Variants in MAPKBP1 observed in about 807,000 individuals in gnomAD.
MAPKBP1 encodes mitogen-activated protein kinase binding protein 1.
Under a neutral mutation model 170.5 loss-of-function variants are expected in MAPKBP1, and 71 were observed. The ratio of observed to expected loss-of-function variants is 0.42; its 90% CI spans 0.34 to 0.51. The LOEUF (loss-of-function observed/expected upper bound fraction) is 0.51, where lower values mean the gene tolerates loss of function less well. Ranked by LOEUF, MAPKBP1 falls within the 20% of genes least tolerant of loss-of-function variation. MAPKBP1 has a pLI of 0.06. For synonymous variants in MAPKBP1, 719 were observed against 757.9 expected (o/e 0.95, Z 0.84); for missense variants, 1,598 against 1,933.0 (o/e 0.83, Z 3.25).
intron 23 of MAPKBP1, 193 bp from the exon 24 acceptor site, chr15:41,821,391 A>G (rs775761933): frequency 5.6e-5 from 35 of 620,726 alleles, no homozygotes; most frequent in Admixed American, 2.6e-4. Flanking sequence ...CACATCAGCA[A>G]CTGGAGCCCA....
intron 2 of MAPKBP1, among the ~76,000 whole-genome samples, chr15:41,780,727 A>G (rs1567132335): frequency 6.6e-6 from 1 of 151,536 alleles, no homozygotes. Flanking sequence ...TTATTACCCC[A>G]TTTGTGGATT....
Position 41,815,712 on chromosome 15 carries a change from T to C in MAPKBP1, c.1406T>C (p.Leu469Pro). 1 of 1,614,230 alleles carries C rather than the reference T, an allele frequency of 6.2e-7. No individual in the cohort carries two copies. Among genetic ancestry groups the C allele is most frequent in the Non-Finnish European group, 8.5e-7 (1 of 1,180,042 alleles). Residue 469 changes from leucine to proline, a missense_variant, in exon 12 of 31, where the codon CTG becomes CCG. Coordinates refer to ENST00000457542, the MANE Select transcript of MAPKBP1 (RefSeq NM_014994.3). ...LPGGDKADAS[L>P]LDPRVGIRSV... ...GGAGGAGACAAAGCTGATGCATCCC[T>C]GTTGGATCCCCGCGTGGGCATCCGC...
At chr15:41,809,870 C>A (rs1170836742) in intron 3 of MAPKBP1, among the ~76,000 whole-genome samples, 1 of 152,250 alleles carries the variant, frequency 6.6e-6, no homozygotes, top group Non-Finnish European at 1.5e-5. Flanking sequence ...CCTGATTCTG[C>A]TTCTGGCAGT....
chr15:41,823,651 C>T lies in MAPKBP1; in HGVS notation c.3803C>T (p.Pro1268Leu), dbSNP rs2065041350. ...VGENLGLVAE[P>L]QAHAPIRVSP... The stretch of plus-strand genomic sequence containing the variant: ...GAGAACCTGGGCCTGGTGGCTGAAC[C>T]TCAAGCTCATGCCCCCATCCGAGTC... Residue 1268 changes from proline to leucine, a missense_variant, in exon 29 of 31, where the codon CCT becomes CTT. Transcript: ENST00000457542. The T allele has an allele frequency of 5.0e-6, 8 of 1,614,088 alleles. No homozygotes were observed. Among genetic ancestry groups the T allele is most frequent in the Non-Finnish European group, 6.8e-6 (8 of 1,180,038 alleles).
At position 41,826,374 on chromosome 15, in the gene MAPKBP1, A is replaced by G. The variant is rs555316958; in HGVS notation, c.*938A>G. 2 of 152,410 alleles carry G rather than the reference A, an allele frequency of 1.3e-5. No homozygotes were observed. The highest frequency in any genetic ancestry group is 2.1e-4 in the South Asian group (1 of 4,830). 9.4% of individuals were successfully genotyped at this position (152,410 alleles called of 1,614,324 possible). ...GAGGACCTCAGCCACAGATGAGATC[A>G]CACGCATGCACGTGCACACATGTAC... On this transcript the variant is annotated 3_prime_UTR_variant, in exon 31 of 31. Transcript: ENST00000457542.
chr15:41,777,371 GA>G (rs1272667785), intron 2 of MAPKBP1, among the ~76,000 whole-genome samples: 1 of 151,596 alleles, frequency 6.6e-6, no homozygotes, highest in Non-Finnish European at 1.5e-5. Flanking sequence ...AGGCTTCACA[GA>G]GGAAGGGATG....
At chr15:41,802,207 A>G (rs927042224) in intron 3 of MAPKBP1, among the ~76,000 whole-genome samples, 4 of 152,242 alleles carry the variant, frequency 2.6e-5, no homozygotes, top group African/African-American at 9.6e-5. Flanking sequence ...CTTACCATGA[A>G]TGGAGTTTCC....
chr15:41,807,301 T>C (rs2064715243), intron 3 of MAPKBP1, among the ~76,000 whole-genome samples: 2 of 152,188 alleles, frequency 1.3e-5, no homozygotes, highest in African/African-American at 4.8e-5. Flanking sequence ...GGATATTGTG[T>C]CCCAGGAAGA....
At chr15:41,782,724 C>G (rs183496245) in intron 2 of MAPKBP1, among the ~76,000 whole-genome samples, 8 of 151,812 alleles carry the variant, frequency 5.3e-5, no homozygotes, top group Non-Finnish European at 8.8e-5. Context: ...CAGAAGTGTG[C>G]CTAGTATTGC....
intron 2 of MAPKBP1, among the ~76,000 whole-genome samples, chr15:41,793,303 C>T (rs536122056): frequency 1.3e-5 from 2 of 151,904 alleles, no homozygotes; most frequent in African/African-American, 2.4e-5. Flanking sequence ...CTGGCTAACA[C>T]GGTGAAACCC....
rs1555450775 is a variant in MAPKBP1, at chr15:41,803,434, A to AAG, written c.206+3521_206+3522dup. 2.4e-4 allele frequency among the ~76,000 whole-genome samples: 22 copies of AAG among 90,780 alleles called. 2 individuals carry two copies. The South Asian group carries it at 2.8e-3, about 11-fold the overall frequency. 59.6% of individuals were successfully genotyped at this position (90,780 alleles called of 152,430 possible). On this transcript the variant is annotated intron_variant, in intron 3 of 30. Coordinates refer to ENST00000457542, the MANE Select transcript of MAPKBP1 (RefSeq NM_014994.3). ...ATCTCAAAAAAAAAAAAAAAAAAAA[A>AAG]AGGTTAAGCAGGCAGGGTGCAGTGG...
chr15:41,799,781 A>C (rs1036833139), intron 2 of MAPKBP1, 42 bp from the exon 3 acceptor site: 2 of 1,547,662 alleles, frequency 1.3e-6, no homozygotes, highest in Non-Finnish European at 1.8e-6. Flanking sequence ...CTTCCCAAAC[A>C]CACTCTGTCT....
At chr15:41,824,907 C>T (rs2065064576) in intron 30 of MAPKBP1, among the ~76,000 whole-genome samples, 1 of 152,166 alleles carries the variant, frequency 6.6e-6, no homozygotes, top group Admixed American at 6.5e-5. Flanking sequence ...TTATTTGGCC[C>T]CCTTAGACAT....
rs2064924928 is a variant in MAPKBP1 at position 41,818,111 on chromosome 15, A to G, written c.1980+27A>G. 2.5e-6 allele frequency: 4 copies of G among 1,613,180 alleles called. No individual in the cohort carries two copies. Among genetic ancestry groups the G allele is most frequent in the Non-Finnish European group, 3.4e-6 (4 of 1,179,144 alleles). ...TAAGGACCCAGAGGGGGTACTGGAC[A>G]GGGGCTCGGGGACAGAGTGGTGCTG... is the stretch of plus-strand genomic sequence containing the variant. On this transcript the variant is annotated intron_variant, in intron 17 of 30. Transcript: ENST00000457542. This position sits in a 1 kb window ranked among gnomAD's most constrained non-coding sequence, Gnocchi z 5.2.
At position 41,827,691 on chromosome 15, in the gene MAPKBP1, T is replaced by G. The variant is rs571125020; in HGVS notation, c.*2255T>G. The G allele has an allele frequency of 1.7e-3, 260 of 155,386 alleles. 1 individual carries two copies. Among genetic ancestry groups the G allele is most frequent in the African/African-American group, 5.9e-3 (245 of 41,700 alleles). 9.6% of individuals were successfully genotyped at this position (155,386 alleles called of 1,614,324 possible). A position where few individuals can be genotyped will look rare whatever the true frequency, so the allele number is the denominator to read the frequency against. ...CGGCAACCGCCGCCCCACTCCAGAT[T>G]TGCCCCCGCCTTGTTTTGAAAGCCC... On this transcript the variant is annotated 3_prime_UTR_variant, in exon 31 of 31. Transcript: ENST00000457542.
chr15:41,780,841 C>T (rs887346187), intron 2 of MAPKBP1, among the ~76,000 whole-genome samples: 3 of 151,808 alleles, frequency 2.0e-5, no homozygotes, highest in East Asian at 1.9e-4. Context: ...GGATTTTTAG[C>T]GTTGGTATTT....
At chr15:41,785,691 G>C (rs1270367078) in intron 2 of MAPKBP1, among the ~76,000 whole-genome samples, 2 of 151,990 alleles carry the variant, frequency 1.3e-5, no homozygotes, top group Admixed American at 6.6e-5. Context: ...GTTGTGACCA[G>C]AGTAAAATAA....
chr15:41,782,796 A>G (rs63723463), intron 2 of MAPKBP1, among the ~76,000 whole-genome samples: 7 of 151,252 alleles, frequency 4.6e-5, no homozygotes, highest in South Asian at 2.1e-4. Context: ...AAAGAGGGGG[A>G]AAAAAAAGGG....
chr15:41,815,807 C>T lies in MAPKBP1; in HGVS notation c.1493+8C>T. On this transcript the variant is annotated splice_region_variant and intron_variant, in intron 12 of 30. Coordinates refer to ENST00000457542, the MANE Select transcript of MAPKBP1 (RefSeq NM_014994.3). Reference sequence around the variant, plus strand: ...CCGTATGGGCACACTTAGGTAATGCCAGGCCCTGGGTGGGTACTGACTGCC... The same window carrying T: ...CCGTATGGGCACACTTAGGTAATGCTAGGCCCTGGGTGGGTACTGACTGCC... The T allele has an allele frequency of 6.2e-7, 1 of 1,610,168 alleles. No individual in the cohort carries two copies. Among genetic ancestry groups the T allele is most frequent in the Non-Finnish European group, 8.5e-7 (1 of 1,176,688 alleles).
Sources: allele counts gnomAD v4.1 joint callset (sites outside exome capture counted in the v4.1 genomes callset), GRCh38; gene constraint gnomAD v4.1.1; non-coding constraint Gnocchi (gnomAD v3.1); transcripts MANE v1.5; gene names NCBI Gene and HGNC (gene_info 2026-07-23, HGNC 2026-07-21).